The following GLDN variants were observed in gnomAD, a reference collection of about 807,000 sequenced individuals.
GLDN encodes collomin.
Under a neutral mutation model 56.5 loss-of-function variants are expected in GLDN, and 47 were observed. The observed-to-expected ratio is 0.83, with a 90% CI of 0.66 to 1.06. The LOEUF is 1.06. Among genes scored for constraint, GLDN ranks in the 50% least tolerant of loss-of-function variants. The pLI is 0.00. For missense variants in GLDN, 782 were observed against 714.3 expected (o/e 1.09, Z -1.08); for synonymous variants, 332 against 278.8 (o/e 1.19, Z -1.90).
chr15:51,408,587 G>C (rs574268697), downstream of GLDN, among the ~76,000 whole-genome samples: 188 of 152,028 alleles, frequency 1.2e-3, no homozygotes, highest in African/African-American at 4.4e-3. Flanking sequence ...TGTGCACAAC[G>C]TGCAGGTTAC....
chr15:51,408,051 C>G (rs1914020), downstream of GLDN: 2 of 152,002 alleles, frequency 1.3e-5, no homozygotes, highest in Non-Finnish European at 2.9e-5. Flanking sequence ...TTAATGTATA[C>G]GTAACATTTA....
chr15:51,372,679 C>A (rs952366030), intron 1 of GLDN, among the ~76,000 whole-genome samples: 1 of 152,194 alleles, frequency 6.6e-6, no homozygotes, highest in Non-Finnish European at 1.5e-5. Context: ...TTGTCATCTT[C>A]TCTCAGAGAA....
At position 51,404,908 on chromosome 15, in the gene GLDN, CA is replaced by C. The variant is rs2038343695; in HGVS notation, c.*156del. The C allele has an allele frequency of 3.2e-6, 2 of 624,544 alleles. No homozygotes were observed. The highest frequency in any genetic ancestry group is 2.9e-6 in the Non-Finnish European group (1 of 350,736). The allele number at this position is 624,544 out of a possible 1,614,324, so 38.7% of individuals were successfully genotyped here. On this transcript the variant is annotated 3_prime_UTR_variant, in exon 10 of 10. Transcript: ENST00000335449. Reference sequence around the variant, plus strand: ...CAGTGAGCCCCGCTTAGTGAAATAGCAACAGATTGGAAGTTGAAATGGCTGA... The same window carrying C: ...CAGTGAGCCCCGCTTAGTGAAATAGCACAGATTGGAAGTTGAAATGGCTGA...
rs189335008 is a variant in GLDN at position 51,344,651 on chromosome 15, T to C, written c.363+2604T>C. ...TGAGAGTGAGATCCAAGGTCCTCAC[T>C]GTGAGGTCTTATGTCCTTAGAGGTC... On this transcript the variant is annotated intron_variant, in intron 1 of 9. Coordinates refer to ENST00000335449, the MANE Select transcript of GLDN (RefSeq NM_181789.4). 2.6e-5 allele frequency among the ~76,000 whole-genome samples: 4 copies of C among 152,256 alleles called. No individual in the cohort carries two copies. In the East Asian group the frequency reaches 7.7e-4, roughly 29 times the overall value.
At chr15:51,374,302 T>C (rs991577461) in intron 1 of GLDN, among the ~76,000 whole-genome samples, 1 of 152,246 alleles carries the variant, frequency 6.6e-6, no homozygotes, top group Non-Finnish European at 1.5e-5. Context: ...TGAAGTCTTT[T>C]CTGGTCCTCT....
downstream of GLDN, among the ~76,000 whole-genome samples, chr15:51,412,290 C>T (rs2038474651): frequency 6.6e-6 from 1 of 152,302 alleles, no homozygotes; most frequent in East Asian, 1.9e-4. Flanking sequence ...CTAAGAATAC[C>T]TACGATTCCT....
intron 1 of GLDN, among the ~76,000 whole-genome samples, chr15:51,363,394 G>A (rs953215212): frequency 3.3e-5 from 5 of 152,084 alleles, no homozygotes; most frequent in Non-Finnish European, 7.3e-5. Context: ...CATAGGGCTC[G>A]GCTTATCATG....
At chr15:51,349,880 C>T (rs1322905883) in intron 1 of GLDN, among the ~76,000 whole-genome samples, 4 of 152,056 alleles carry the variant, frequency 2.6e-5, no homozygotes, top group African/African-American at 9.7e-5. Flanking sequence ...GCTGGGATTA[C>T]AGGCGCTTGC....
rs1341740510 is a variant in GLDN at position 51,404,737 on chromosome 15, A to G, written c.1639A>G (p.Thr547Ala). ...GCTTTATCCTGTGCAGTTTTTGTCAACTACCTTAAATCAGTGATGTGCTGC... is the reference window on the plus strand; with the variant it reads ...GCTTTATCCTGTGCAGTTTTTGTCAGCTACCTTAAATCAGTGATGTGCTGC... Reference protein sequence around the residue: ...LMLYPVQFLSTTLNQ With the variant: ...LMLYPVQFLSATLNQ The change falls in exon 10 of 10, where the codon ACT (threonine) becomes GCT (alanine). Residue 547 changes from threonine (T) to alanine (A), a missense_variant. Physicochemically the swap from Thr to Ala is moderately conservative, Grantham distance 58 (BLOSUM62 0). Coordinates refer to ENST00000335449, the MANE Select transcript of GLDN (RefSeq NM_181789.4). 1 of 1,579,588 alleles carries G rather than the reference A, an allele frequency of 6.3e-7. No homozygotes were observed. Among genetic ancestry groups the G allele is most frequent in the Non-Finnish European group, 8.7e-7 (1 of 1,149,860 alleles).
intron 1 of GLDN, among the ~76,000 whole-genome samples, chr15:51,362,021 C>T (rs2037309966): frequency 6.6e-6 from 1 of 152,120 alleles, no homozygotes; most frequent in Non-Finnish European, 1.5e-5. Context: ...GGAAGCCTGA[C>T]TGAGGAGGCA....
Position 51,383,788 on chromosome 15 carries a change from C to T in GLDN, c.437C>T (p.Pro146Leu). 1 of 1,606,950 alleles carries T rather than the reference C, an allele frequency of 6.2e-7. No individual in the cohort carries two copies. The highest frequency in any genetic ancestry group is 8.5e-7 in the Non-Finnish European group (1 of 1,177,282). Residue 146 changes from proline to leucine, a missense_variant, in exon 4 of 10, where the codon CCT becomes CTT. By Grantham distance (98) the Pro-to-Leu change is moderately conservative. Transcript: ENST00000335449. ...CTGTTTCTGTGTTTTGATGCAGGAC[C>T]TCCGGGAGCCGGCGGGTTGCCAGGA... ...CLTGPSGPPG[P>L]PGAGGLPGHN...
At chr15:51,412,651 G>GT (rs1225315202), downstream of GLDN, among the ~76,000 whole-genome samples, 5 of 152,004 alleles carry the variant, frequency 3.3e-5, no homozygotes, top group Admixed American at 1.3e-4. Flanking sequence ...AGTAAAGTGG[G>GT]TTTTTTTGTA....
At chr15:51,392,721 A>G (rs1290349891) in intron 4 of GLDN, among the ~76,000 whole-genome samples, 1 of 152,226 alleles carries the variant, frequency 6.6e-6, no homozygotes, top group Non-Finnish European at 1.5e-5. Context: ...ACTGTGGGGT[A>G]TCACGTTAAT....
chr15:51,351,102 A>G, intron 1 of GLDN: 1 of 283,350 alleles, frequency 3.5e-6, no homozygotes, highest in South Asian at 4.2e-5. Flanking sequence ...GATGACACTT[A>G]AAATGAGATA....
chr15:51,371,765 C>A (rs1002796642), intron 1 of GLDN, among the ~76,000 whole-genome samples: 28 of 152,314 alleles, frequency 1.8e-4, no homozygotes, highest in Admixed American at 1.8e-3. Context: ...TCACTGCAAC[C>A]TCTGCCTCAT....
rs377663958 is a variant in GLDN at position 51,400,179 on chromosome 15, G to A, written c.818-13G>A. The A allele has an allele frequency of 3.7e-6, 6 of 1,612,628 alleles. No individual in the cohort carries two copies. The African/African-American group carries it at 8.0e-5, about 22-fold the overall frequency. Reference sequence around the variant, plus strand: ...AACCGTATCGGCTCTGATGATTATTGTTGTCATTTTAGGTGAGACTTGTGC... The same window carrying A: ...AACCGTATCGGCTCTGATGATTATTATTGTCATTTTAGGTGAGACTTGTGC... On this transcript the variant is annotated splice_polypyrimidine_tract_variant and intron_variant, in intron 6 of 9. Coordinates refer to ENST00000335449, the MANE Select transcript of GLDN (RefSeq NM_181789.4).
chr15:51,402,787 G>A (rs541801546), intron 9 of GLDN, among the ~76,000 whole-genome samples: 1 of 152,162 alleles, frequency 6.6e-6, no homozygotes, highest in African/African-American at 2.4e-5. Flanking sequence ...ATCGGACACT[G>A]GCGTCAGCCG....
At chr15:51,386,514 G>C (rs1486351235) in intron 4 of GLDN, among the ~76,000 whole-genome samples, 1 of 152,218 alleles carries the variant, frequency 6.6e-6, no homozygotes, top group East Asian at 1.9e-4. Flanking sequence ...GGCCACTGAG[G>C]GCAACAGGGT....
chr15:51,366,504 T>C (rs2037404452), intron 1 of GLDN, among the ~76,000 whole-genome samples: 1 of 152,248 alleles, frequency 6.6e-6, no homozygotes, highest in African/African-American at 2.4e-5. Context: ...AAGGCACTTA[T>C]CCGTTTACAC....
Sources: allele counts gnomAD v4.1 joint callset (sites outside exome capture counted in the v4.1 genomes callset), GRCh38; gene constraint gnomAD v4.1.1; transcripts MANE v1.5; gene names NCBI Gene and HGNC (gene_info 2026-07-23, HGNC 2026-07-21).